The following RGS6 variants were observed in gnomAD, a reference collection of about 807,000 sequenced individuals.
RGS6 encodes the protein regulator of G-protein signaling 6.
Under a neutral mutation model 78.5 loss-of-function variants are expected in RGS6, and 30 were observed. The observed-to-expected ratio is 0.38, with a 90% CI of 0.29 to 0.52. The LOEUF (loss-of-function observed/expected upper bound fraction) is 0.52. Ranked by LOEUF, RGS6 falls within the 20% of genes least tolerant of loss-of-function variation. The pLI is 0.85. For synonymous variants in RGS6, 206 were observed against 206.0 expected (o/e 1.00, Z 0.00); for missense variants, 495 against 609.7 (o/e 0.81, Z 1.98).
In RGS6 at chr14:72,549,062, A is replaced by G. The variant is rs1027154845; in HGVS notation, c.1422+8968A>G. Among the ~76,000 whole-genome samples, 50 of 152,294 alleles carry G rather than the reference A, an allele frequency of 3.3e-4. 1 individual carries two copies. The highest frequency in any genetic ancestry group is 3.9e-4 in the Admixed American group (6 of 15,294). ...TGTGGTTTATAAATAAGTCCTGGAAAAGGAGAATGAATTATAAGGAAGGAG... is the reference window on the plus strand; with the variant it reads ...TGTGGTTTATAAATAAGTCCTGGAAGAGGAGAATGAATTATAAGGAAGGAG... On this transcript the variant is annotated intron_variant, in intron 17 of 17. Transcript: ENST00000553525.
At chr14:72,014,069 A>T (rs1479109824) in intron 2 of RGS6, among the ~76,000 whole-genome samples, 1 of 152,216 alleles carries the variant, frequency 6.6e-6, no homozygotes, top group Admixed American at 6.5e-5. Context: ...CTTGGACAGC[A>T]CAAGGATCTG....
chr14:72,124,007 C>T (rs757994980), intron 2 of RGS6, among the ~76,000 whole-genome samples: 1 of 152,164 alleles, frequency 6.6e-6, no homozygotes, highest in South Asian at 2.1e-4. Flanking sequence ...TATTCGAAGT[C>T]ACAGTCTATA....
chr14:72,418,085 C>T (rs2093951924), intron 3 of RGS6, among the ~76,000 whole-genome samples: 1 of 152,170 alleles, frequency 6.6e-6, no homozygotes, highest in African/African-American at 2.4e-5. Context: ...AAAGCCACGG[C>T]CCATTTTACT....
At chr14:71,996,519 C>T (rs1323064980) in intron 2 of RGS6, among the ~76,000 whole-genome samples, 1 of 151,996 alleles carries the variant, frequency 6.6e-6, no homozygotes, top group African/African-American at 2.4e-5. Context: ...AGAGGAAGGA[C>T]CCTGACTCAG....
At chr14:72,536,427 CAGTT>C (rs543360975) in intron 16 of RGS6, 152 bp downstream of exon 16, 55 of 639,374 alleles carry the variant, frequency 8.6e-5, no homozygotes, top group Non-Finnish European at 1.3e-4. Context: ...TAATGGAAAA[CAGTT>C]AGGATTGTCA....
intron 2 of RGS6, among the ~76,000 whole-genome samples, chr14:72,055,724 A>G (rs1236693176): frequency 6.6e-6 from 1 of 152,184 alleles, no homozygotes; most frequent in Non-Finnish European, 1.5e-5. Context: ...TTTAAAATAC[A>G]GAAATCTTGA....
chr14:72,059,456 T>G (rs2093782173), intron 2 of RGS6, among the ~76,000 whole-genome samples: 1 of 152,216 alleles, frequency 6.6e-6, no homozygotes, highest in African/African-American at 2.4e-5. Flanking sequence ...ACTGGTGCGC[T>G]CTCATTTAAC....
At chr14:72,246,464 A>C (rs2054237803) in intron 2 of RGS6, among the ~76,000 whole-genome samples, 1 of 152,190 alleles carries the variant, frequency 6.6e-6, no homozygotes, top group South Asian at 2.1e-4. Context: ...ATAAATACTT[A>C]AATGTAATTA....
intron 2 of RGS6, among the ~76,000 whole-genome samples, chr14:72,052,044 A>G (rs945417954): frequency 1.3e-5 from 2 of 152,180 alleles, no homozygotes; most frequent in African/African-American, 4.8e-5. Context: ...CAGGTGGGAC[A>G]GTGAATAGAA....
At chr14:72,069,611 T>G (rs561354044) in intron 2 of RGS6, among the ~76,000 whole-genome samples, 27 of 152,248 alleles carry the variant, frequency 1.8e-4, no homozygotes, top group Middle Eastern at 3.4e-3. Context: ...GCAGTCACAA[T>G]GATTGCAGCC....
At chr14:72,553,875 A>G (rs527663369) in intron 17 of RGS6, among the ~76,000 whole-genome samples, 1 of 152,330 alleles carries the variant, frequency 6.6e-6, no homozygotes, top group South Asian at 2.1e-4. Context: ...GGGAGAAAAA[A>G]GCTGGGAAAC....
At chr14:71,963,748 A>C (rs1235164253) in intron 1 of RGS6, among the ~76,000 whole-genome samples, 3 of 152,132 alleles carry the variant, frequency 2.0e-5, no homozygotes, top group Non-Finnish European at 1.5e-5. Flanking sequence ...TACACGTTTT[A>C]TTTATCCATT....
At chr14:72,348,442 A>G (rs1175221609) in intron 2 of RGS6, among the ~76,000 whole-genome samples, 1 of 152,230 alleles carries the variant, frequency 6.6e-6, no homozygotes, top group Non-Finnish European at 1.5e-5. Context: ...TGTTCTGAAA[A>G]TACTTATAAT....
intron 5 of RGS6, among the ~76,000 whole-genome samples, chr14:72,459,219 A>G (rs2095712007): frequency 1.3e-5 from 2 of 152,222 alleles, no homozygotes; most frequent in Admixed American, 6.5e-5. Flanking sequence ...CCGTAGAGGG[A>G]ATGAGGGCAG....
At chr14:72,474,565 G>A (rs2096183325) in intron 9 of RGS6, 60 bp from the exon 10 acceptor site, 2 of 1,470,786 alleles carry the variant, frequency 1.4e-6, no homozygotes, top group East Asian at 2.3e-5. Flanking sequence ...TGTGACATGG[G>A]CTAAATTGGA....
At position 72,395,802 on chromosome 14, in the gene RGS6, G is replaced by A. The variant is rs531741641; in HGVS notation, c.184+43608G>A. ...GTGGTGTTTGGTTTTTTTCCCTTGC[G>A]ATAGTTTGCTGAGAATGATGGTTTC... On this transcript the variant is annotated intron_variant, in intron 3 of 17. Transcript: ENST00000553525. Among the ~76,000 whole-genome samples the A allele has an allele frequency of 4.6e-5, 7 of 151,864 alleles. No homozygotes were observed. The South Asian group carries it at 8.4e-4, about 18-fold the overall frequency.
chr14:72,333,809 C>T (rs907145489), intron 2 of RGS6, among the ~76,000 whole-genome samples: 3 of 152,064 alleles, frequency 2.0e-5, no homozygotes, highest in Non-Finnish European at 4.4e-5. Flanking sequence ...GCCAGAGGAG[C>T]TAGCACAATC....
At chr14:72,319,899 G>A (rs914868496) in intron 2 of RGS6, among the ~76,000 whole-genome samples, 3 of 152,128 alleles carry the variant, frequency 2.0e-5, no homozygotes, top group Non-Finnish European at 2.9e-5. Context: ...ATAATTCTAC[G>A]TAACTTTCAA....
chr14:72,466,357 T>C (rs1470703974), intron 7 of RGS6, among the ~76,000 whole-genome samples: 1 of 152,192 alleles, frequency 6.6e-6, no homozygotes, highest in African/African-American at 2.4e-5. Flanking sequence ...ACACTTACCA[T>C]ATAACCAAGC....
Sources: gnomAD v4.1 joint callset for allele counts (sites outside exome capture counted in the v4.1 genomes callset) on GRCh38, gnomAD v4.1.1 for gene constraint, MANE v1.5 for transcripts, NCBI Gene and HGNC (gene_info 2026-07-23, HGNC 2026-07-21) for gene names.